GPN1: variants seen among roughly 807,000 people sequenced by gnomAD.
The protein encoded by GPN1 is GPN-loop GTPase 1.
In GPN1, 44 loss-of-function variants were observed where a neutral mutation model predicts 55.9. The observed-to-expected ratio is 0.79, with a 90% CI of 0.62 to 1.01. The LOEUF is 1.01. GPN1 is among the 50% of genes least tolerant of loss of function. GPN1 has a pLI of 0.00. For missense variants in GPN1, 466 were observed against 462.8 expected (o/e 1.01, Z -0.06); for synonymous variants, 179 against 162.5 (o/e 1.10, Z -0.77).
chr2:27,634,715 G>A, intron 5 of GPN1, 131 bp from the exon 6 acceptor site: 1 of 664,256 alleles, frequency 1.5e-6, no homozygotes, highest in South Asian at 1.7e-5. Context: ...GCCAGTAGGA[G>A]GAAGTTAGAT....
At chr2:27,641,098 A>C in intron 10 of GPN1, 142 bp from the exon 11 acceptor site, 1 of 620,812 alleles carries the variant, frequency 1.6e-6, no homozygotes, top group South Asian at 2.4e-5. Context: ...TCTGTCAGTG[A>C]CTAAGATTTG....
intron 11 of GPN1, among the ~76,000 whole-genome samples, 196 bp downstream of exon 11, chr2:27,641,475 T>G (rs764273317): frequency 5.3e-5 from 8 of 152,192 alleles, no homozygotes; most frequent in Non-Finnish European, 1.0e-4. Context: ...TAATTTAAAT[T>G]TGTAAATTTG....
intron 7 of GPN1, 117 bp downstream of exon 7, chr2:27,635,351 T>G (rs1365421519): frequency 9.7e-6 from 6 of 620,960 alleles, no homozygotes; most frequent in African/African-American, 1.9e-5. Context: ...TTGTGCTCAT[T>G]CAGATTTGCT....
intron 7 of GPN1, among the ~76,000 whole-genome samples, chr2:27,635,785 C>G (rs1673711751): frequency 6.6e-6 from 1 of 151,874 alleles, no homozygotes; most frequent in African/African-American, 2.4e-5. Context: ...CCACTGCACT[C>G]CGGCTTGGGG....
At position 27,632,503 on chromosome 2, in the gene GPN1, T is replaced by C. The variant is rs575078900; in HGVS notation, c.313-130T>C. On this transcript the variant is annotated intron_variant, in intron 4 of 13. Transcript: ENST00000610189. ...TGTTTATTCTTTGTTGTCCTAAGAT[T>C]GCAAATGTTCAGTAGGTGATTGAGG... The C allele has an allele frequency of 1.4e-5, 10 of 714,682 alleles. No individual in the cohort carries two copies. The South Asian group carries it at 1.4e-4, about 10-fold the overall frequency. 44.3% of individuals were successfully genotyped at this position (714,682 alleles called of 1,614,324 possible). A position where few individuals can be genotyped will look rare whatever the true frequency, so the allele number is the denominator to read the frequency against.
chr2:27,631,261 T>C, intron 3 of GPN1, 195 bp downstream of exon 3: 1 of 583,622 alleles, frequency 1.7e-6, no homozygotes, highest in East Asian at 2.9e-5. Context: ...TCTCCCCAGA[T>C]GGCAGGCTGT....
intron 13 of GPN1, among the ~76,000 whole-genome samples, chr2:27,648,902 G>C (rs1674372299): frequency 6.6e-6 from 1 of 151,768 alleles, no homozygotes; most frequent in Non-Finnish European, 1.5e-5. Context: ...CTCCCAAAGT[G>C]CTGGGATTAC....
At chr2:27,628,623 G>A, upstream of GPN1, 1 of 1,551,470 alleles carries the variant, frequency 6.4e-7, no homozygotes, top group Non-Finnish European at 8.7e-7. Context: ...GTCCAGCCCT[G>A]AACTGTTTAA....
At chr2:27,635,014 A>G in intron 6 of GPN1, 90 bp downstream of exon 6, 1 of 964,356 alleles carries the variant, frequency 1.0e-6, no homozygotes, top group Non-Finnish European at 1.7e-6. Context: ...TTTATATGGG[A>G]GGAAGTTGTA....
At chr2:27,648,759 C>T (rs1320716468) in intron 13 of GPN1, among the ~76,000 whole-genome samples, 3 of 152,152 alleles carry the variant, frequency 2.0e-5, no homozygotes, top group Non-Finnish European at 4.4e-5. Context: ...CTTCAGCCTC[C>T]AGAGTAGCTG....
intron 12 of GPN1, among the ~76,000 whole-genome samples, 167 bp downstream of exon 12, chr2:27,642,686 T>C (rs1186413345): frequency 6.6e-6 from 1 of 152,020 alleles, no homozygotes; most frequent in Non-Finnish European, 1.5e-5. Context: ...GCCTCAGCCT[T>C]CCTGAGTAGC....
At chr2:27,632,600 G>A (rs770882098) in intron 4 of GPN1, 33 bp from the exon 5 acceptor site, 6 of 1,537,340 alleles carry the variant, frequency 3.9e-6, no homozygotes, top group Non-Finnish European at 5.4e-6. Flanking sequence ...GTTGAAATCG[G>A]AATTTGTTGT....
chr2:27,628,596 T>G, upstream of GPN1: 2 of 1,551,602 alleles, frequency 1.3e-6, no homozygotes, highest in Non-Finnish European at 1.7e-6. Flanking sequence ...GACTGCACCC[T>G]GCTCCAGTCC....
intron 5 of GPN1, among the ~76,000 whole-genome samples, chr2:27,634,623 A>G (rs773107508): frequency 6.6e-6 from 1 of 152,148 alleles, no homozygotes; most frequent in Non-Finnish European, 1.5e-5. Flanking sequence ...ATTTGCAGCA[A>G]CTCATGGTCT....
intron 8 of GPN1, among the ~76,000 whole-genome samples, 170 bp downstream of exon 8, chr2:27,638,425 A>G (rs551906529): frequency 7.7e-4 from 118 of 152,382 alleles, no homozygotes; most frequent in African/African-American, 2.4e-3. Context: ...TGAATGAGCA[A>G]TTATTACCAA....
intron 7 of GPN1, 150 bp downstream of exon 7, chr2:27,635,384 T>TG: frequency 1.7e-6 from 1 of 600,020 alleles, no homozygotes; most frequent in Non-Finnish European, 2.9e-6. Context: ...GGCTGTGAGC[T>TG]GGGGAAGGTC....
intron 7 of GPN1, 142 bp from the exon 8 acceptor site, chr2:27,638,066 CTA>C: frequency 3.4e-6 from 2 of 586,020 alleles, no homozygotes; most frequent in Non-Finnish European, 6.2e-6. Context: ...TTGGCAGAGA[CTA>C]TATGATGTTA....
intron 1 of GPN1, 174 bp downstream of exon 1, chr2:27,629,343 GTTAA>G (rs1225191177): frequency 1.3e-6 from 2 of 1,534,386 alleles, no homozygotes; most frequent in Non-Finnish European, 1.8e-6. Context: ...CCCTAGCCAG[GTTAA>G]TTAAGGCTCT....
At chr2:27,631,378 C>T (rs1477981645) in intron 3 of GPN1, 1 of 453,240 alleles carries the variant, frequency 2.2e-6, no homozygotes, top group Admixed American at 4.0e-5. Flanking sequence ...CCTCTTTAGA[C>T]TGGGAAACTC....
Sources: allele counts gnomAD v4.1 joint callset (sites outside exome capture counted in the v4.1 genomes callset), GRCh38; gene constraint gnomAD v4.1.1; transcripts MANE v1.5; gene names NCBI Gene and HGNC (gene_info 2026-07-23, HGNC 2026-07-21).